The following MICALL2 variants were observed in gnomAD, a reference collection of about 807,000 sequenced individuals.
MICALL2 encodes the protein MICAL-like protein 2.
In MICALL2, 111 loss-of-function variants were observed where a neutral mutation model predicts 91.1. The observed-to-expected ratio is 1.22, with a 90% CI of 1.04 to 1.43. The LOEUF (loss-of-function observed/expected upper bound fraction) is 1.43. MICALL2 is among the 40% of genes most tolerant of loss of function. The pLI is 0.00. For synonymous variants in MICALL2, 694 were observed against 525.3 expected (o/e 1.32, Z -4.39); for missense variants, 1,556 against 1,236.0 (o/e 1.26, Z -3.88).
At position 1,452,032 on chromosome 7, in the gene MICALL2, C is replaced by T. The variant is rs1380999719; in HGVS notation, c.144-1744G>A. Among the ~76,000 whole-genome samples the T allele has an allele frequency of 6.6e-6, 1 of 152,168 alleles. No homozygotes were observed. The highest frequency in any genetic ancestry group is 1.5e-5 in the Non-Finnish European group (1 of 68,022). Reference sequence around the variant, plus strand: ...CTGCCCACCTCTCTCCTTAGGAAGCCCCCGCCCCGTCCGCCTGCAGCCCTG... The same window carrying T: ...CTGCCCACCTCTCTCCTTAGGAAGCTCCCGCCCCGTCCGCCTGCAGCCCTG... On this transcript the variant is annotated intron_variant, in intron 1 of 16. Coordinates refer to ENST00000297508, the MANE Select transcript of MICALL2 (RefSeq NM_182924.4). This position sits in a 1 kb window ranked among gnomAD's most constrained non-coding sequence, Gnocchi z 6.2.
Position 1,445,009 on chromosome 7 carries a change from CA to C in MICALL2, c.1060del (p.Cys354AlafsTer143). The C allele has an allele frequency of 1.3e-6, 2 of 1,519,152 alleles. No homozygotes were observed. The highest frequency in any genetic ancestry group is 8.8e-7 in the Non-Finnish European group (1 of 1,131,764). The allele number at this position is 1,519,152 out of a possible 1,614,324, so 94.1% of individuals were successfully genotyped here. On this transcript the variant is annotated frameshift_variant, in exon 6 of 17. Coordinates refer to ENST00000297508, the MANE Select transcript of MICALL2 (RefSeq NM_182924.4). LOFTEE classifies it high-confidence loss of function. ...SPMGWSSAAPCTAAAASHPAV... is the reference protein window; with the variant it reads ...SPMGWSSAAPXTAAAASHPAV... ...GGGATGGGAGGCAGCCGCTGCTGTG[CA>C]CGGGGCAGCTGACGACCAGCCCATC...
chr7:1,440,523 C>T (rs975622552), intron 8 of MICALL2, 68 bp downstream of exon 8: 4 of 1,377,972 alleles, frequency 2.9e-6, no homozygotes, highest in African/African-American at 2.9e-5. Flanking sequence ...CGGTCGATTA[C>T]ATACTCACTG....
intron 1 of MICALL2, among the ~76,000 whole-genome samples, chr7:1,457,223 C>T (rs1480364545): frequency 4.6e-5 from 7 of 152,220 alleles, no homozygotes; most frequent in Non-Finnish European, 8.8e-5. Flanking sequence ...CCCTTATCTG[C>T]AGAACTCCAA....
At chr7:1,450,203 C>G in intron 2 of MICALL2, 37 bp downstream of exon 2, 1 of 1,598,086 alleles carries the variant, frequency 6.3e-7, no homozygotes, top group South Asian at 1.1e-5. Context: ...AGCAGGCTGG[C>G]TAAGCCAGCT....
chr7:1,448,685 G>A lies in MICALL2; in HGVS notation c.269C>T (p.Pro90Leu). Residue 90 changes from proline (P) to leucine (L), a missense_variant, in exon 3 of 17, where the codon CCT (proline) becomes CTT (leucine). By Grantham distance (98) the Pro-to-Leu change is moderately conservative. Coordinates refer to ENST00000297508, the MANE Select transcript of MICALL2 (RefSeq NM_182924.4). ...DAEDMVALKV[P>L]DRLSILTYVS... Reference sequence around the variant, plus strand: ...GTAGGTCAAGATGCTCAGCCGGTCAGGCACCTTCAAGGCCACCATGTCCTC... The same window carrying A: ...GTAGGTCAAGATGCTCAGCCGGTCAAGCACCTTCAAGGCCACCATGTCCTC... 5 of 1,612,828 alleles carry A rather than the reference G, an allele frequency of 3.1e-6. No homozygotes were observed. Among genetic ancestry groups the A allele is most frequent in the Non-Finnish European group, 4.2e-6 (5 of 1,179,930 alleles).
chr7:1,453,868 T>G (rs770867189), intron 1 of MICALL2, among the ~76,000 whole-genome samples: 4 of 152,096 alleles, frequency 2.6e-5, no homozygotes, highest in Non-Finnish European at 5.9e-5. Flanking sequence ...CTGTGCTTGG[T>G]GAGATTTCTG....
Position 1,444,990 on chromosome 7 carries a change from G to A in MICALL2, c.1080C>T (p.Ser360=). Residue 360 remains serine (S), a synonymous_variant, in exon 6 of 17, where the codon TCC becomes TCT. Coordinates refer to ENST00000297508, the MANE Select transcript of MICALL2 (RefSeq NM_182924.4). ...GGGCACTCGGGGGCACGGCGGGATG[G>A]GAGGCAGCCGCTGCTGTGCACGGGG... ...SAAPCTAAAA[S]HPAVPPSAPD... 1.3e-6 allele frequency: 2 copies of A among 1,507,658 alleles called. No homozygotes were observed. Among genetic ancestry groups the A allele is most frequent in the Non-Finnish European group, 1.8e-6 (2 of 1,126,620 alleles). The allele number at this position is 1,507,658 out of a possible 1,614,324, so 93.4% of individuals were successfully genotyped here. A position where few individuals can be genotyped will look rare whatever the true frequency, so the allele number is the denominator to read the frequency against.
chr7:1,443,828 G>A (rs908391716), intron 6 of MICALL2, among the ~76,000 whole-genome samples: 1 of 152,178 alleles, frequency 6.6e-6, no homozygotes, highest in Non-Finnish European at 1.5e-5. Flanking sequence ...GTGAGGGGGT[G>A]GATTTCTACT....
chr7:1,448,995 G>T (rs1433217143), intron 2 of MICALL2, among the ~76,000 whole-genome samples: 1 of 152,152 alleles, frequency 6.6e-6, no homozygotes, highest in Non-Finnish European at 1.5e-5. Flanking sequence ...GGCGCTCAAG[G>T]CCCCGTCCAG....
At chr7:1,441,450 G>A (rs906101484) in intron 7 of MICALL2, 2 of 153,194 alleles carry the variant, frequency 1.3e-5, no homozygotes, top group East Asian at 3.9e-4. Flanking sequence ...CTAACCCCTG[G>A]TGGGTGACAG....
intron 7 of MICALL2, chr7:1,441,794 T>G: frequency 4.1e-6 from 1 of 245,450 alleles, no homozygotes; most frequent in Non-Finnish European, 7.9e-6. Context: ...CAGCGCGACG[T>G]TGTCAAAGCG....
intron 1 of MICALL2, among the ~76,000 whole-genome samples, chr7:1,450,938 G>C (rs189944141): frequency 6.6e-5 from 10 of 152,190 alleles, no homozygotes; most frequent in African/African-American, 2.4e-4. Context: ...AGCAGACACC[G>C]GTTATGTCTG....
At chr7:1,447,522 A>G (rs1222344001) in intron 4 of MICALL2, 53 bp downstream of exon 4, 3 of 950,004 alleles carry the variant, frequency 3.2e-6, no homozygotes, top group African/African-American at 2.0e-5. Context: ...CCCCTTCTGC[A>G]CCCCCCGGTG....
At chr7:1,436,199 A>G (rs982280560) in intron 15 of MICALL2, among the ~76,000 whole-genome samples, 5 of 151,482 alleles carry the variant, frequency 3.3e-5, no homozygotes, top group African/African-American at 7.3e-5. Flanking sequence ...AGACCAGCCT[A>G]GCCAACATGG....
In MICALL2 at chr7:1,437,991, G is replaced by A. The variant is rs766646161; in HGVS notation, c.2312-11C>T. On this transcript the variant is annotated splice_polypyrimidine_tract_variant and intron_variant, in intron 12 of 16. Transcript: ENST00000297508. ...TATCCTCAGCGTCATCTGGGGAGAG[G>A]AGCCAGCTGGGGCAGGGGGGCCCGC... 6 of 1,550,756 alleles carry A rather than the reference G, an allele frequency of 3.9e-6. No homozygotes were observed. Among genetic ancestry groups the A allele is most frequent in the South Asian group, 1.2e-5 (1 of 84,164 alleles).
chr7:1,446,890 G>A, intron 4 of MICALL2, 62 bp from the exon 5 acceptor site: 4 of 1,201,282 alleles, frequency 3.3e-6, no homozygotes, highest in Non-Finnish European at 4.6e-6. Context: ...CCTGGTGGCA[G>A]CCCACAGGTG....
At chr7:1,438,604 C>T in intron 10 of MICALL2, 3 of 1,421,092 alleles carry the variant, frequency 2.1e-6, no homozygotes, top group Non-Finnish European at 2.7e-6. Context: ...GTCCCTCAAG[C>T]TGCCAGAAGC....
In MICALL2 at chr7:1,459,315, G is replaced by A. The variant is rs368824694; in HGVS notation, c.12C>T (p.Ile4=). 1.9e-6 allele frequency: 3 copies of A among 1,556,024 alleles called. No individual in the cohort carries two copies. The highest frequency in any genetic ancestry group is 2.6e-5 in the East Asian group (1 of 39,006). The change falls in exon 1 of 17, where the codon ATC becomes ATT. Residue 4 remains isoleucine, a synonymous_variant. Transcript: ENST00000297508. ...GCCGGCACCACTGTTGCAGCGCCCT[G>A]ATGGCCGCCATGTGGGCGGCGCGCC... MAA[I]RALQQWCRQQ... is the part of the protein sequence containing the mutation.
chr7:1,459,251 TGTTGCAGATATTCAC>T lies in MICALL2; in HGVS notation c.61_75del (p.Val21_Asn25del). On this transcript the variant is annotated inframe_deletion, in exon 1 of 17. Coordinates refer to ENST00000297508, the MANE Select transcript of MICALL2 (RefSeq NM_182924.4). Reference sequence around the variant, plus strand: ...AGGCCGTCGCGGAACGACGTGGTCATGTTGCAGATATTCACGTCGCGGTAGCCCTCGCACTGCTGC... The same window carrying T: ...AGGCCGTCGCGGAACGACGTGGTCATGTCGCGGTAGCCCTCGCACTGCTGC... 1.2e-6 allele frequency: 2 copies of T among 1,610,962 alleles called. No homozygotes were observed. Among genetic ancestry groups the T allele is most frequent in the Non-Finnish European group, 1.7e-6 (2 of 1,179,028 alleles).
Sources: allele counts gnomAD v4.1 joint callset (sites outside exome capture counted in the v4.1 genomes callset), GRCh38; gene constraint gnomAD v4.1.1; non-coding constraint Gnocchi (gnomAD v3.1); transcripts MANE v1.5; gene names NCBI Gene and HGNC (gene_info 2026-07-23, HGNC 2026-07-21).